The following EIF3K variants were observed in gnomAD, a reference collection of about 807,000 sequenced individuals.
The protein encoded by EIF3K is eIF-3 p28.
A neutral mutation model predicts 34.2 loss-of-function variants in EIF3K; 27 were observed. That is an observed-to-expected ratio of 0.79 (90% CI 0.58 to 1.09). The LOEUF is 1.09. Among genes scored for constraint, EIF3K ranks in the 50% least tolerant of loss-of-function variants. The pLI is 0.00. For missense variants in EIF3K, 232 were observed against 275.4 expected, an observed-to-expected ratio of 0.84 and a Z score of 1.11; for synonymous variants, 105 against 105.7, an observed-to-expected ratio of 0.99 and a Z score of 0.04.
At chr19:38,623,996 A>T in intron 2 of EIF3K, 81 bp from the exon 3 acceptor site, 1 of 1,599,016 alleles carries the variant, frequency 6.3e-7, no homozygotes, top group Middle Eastern at 1.8e-4. Flanking sequence ...AAACTCCAGA[A>T]TAAAGCAGCT....
intron 6 of EIF3K, 155 bp downstream of exon 6, chr19:38,632,833 T>A: frequency 1.6e-6 from 1 of 624,338 alleles, no homozygotes; most frequent in Non-Finnish European, 2.7e-6. Flanking sequence ...TATAAGACAG[T>A]CTCTGCCTTG....
Position 38,623,862 on chromosome 19 carries a change from A to G in EIF3K, c.159-215A>G, listed in dbSNP as rs117550664. ...TAAATCACTTAGCAGTGTCTGCCCC[A>G]TTGGGTAGTTGTGAGCATTAACTGT... On this transcript the variant is annotated intron_variant, in intron 2 of 7. Transcript: ENST00000248342. Among the ~76,000 whole-genome samples, 54 of 152,252 alleles carry G rather than the reference A, an allele frequency of 3.5e-4. 1 individual carries two copies. The East Asian group carries it at 9.4e-3, about 27-fold the overall frequency.
chr19:38,622,951 T>C (rs1307498788), intron 2 of EIF3K, among the ~76,000 whole-genome samples: 7 of 152,396 alleles, frequency 4.6e-5, no homozygotes, highest in Admixed American at 2.6e-4. Flanking sequence ...GCTGTTATCC[T>C]GTTCTTTTTC....
chr19:38,619,432 G>A, intron 1 of EIF3K, 105 bp downstream of exon 1: 1 of 1,312,344 alleles, frequency 7.6e-7, no homozygotes, highest in Non-Finnish European at 1.1e-6. Context: ...CGCGGGGTGG[G>A]GTTTCTCTAT....
intron 4 of EIF3K, 109 bp downstream of exon 4, chr19:38,626,211 C>A: frequency 9.9e-7 from 1 of 1,006,674 alleles, no homozygotes; most frequent in Non-Finnish European, 1.6e-6. Flanking sequence ...GGCGGTGGGC[C>A]CAGTGCTCTG....
intron 7 of EIF3K, chr19:38,635,574 G>A (rs1359839281): frequency 9.4e-6 from 2 of 213,062 alleles, no homozygotes; most frequent in East Asian, 1.0e-4. Flanking sequence ...GACTGCAACA[G>A]TAACTATGAT....
At chr19:38,630,347 A>ATTTATTT (rs1976036723) in intron 4 of EIF3K, among the ~76,000 whole-genome samples, 1 of 124,332 alleles carries the variant, frequency 8.0e-6, no homozygotes, top group Non-Finnish European at 1.7e-5. Flanking sequence ...TTATTTATTT[A>ATTTATTT]TTTTTTTTTT....
In EIF3K at chr19:38,626,037, C is replaced by A. The variant is rs1180849987; in HGVS notation, c.289C>A (p.Arg97=). The A allele has an allele frequency of 6.2e-7, 1 of 1,614,150 alleles. No individual in the cohort carries two copies. The highest frequency in any genetic ancestry group is 1.7e-5 in the Admixed American group (1 of 60,014). ...CMIDQAHQEE[R]PIRQILYLGD... ...TGCTTCCTCCTCCCAGCAAGAAGAACGGCCAATCCGACAGATTTTGTACCT... is the reference window on the plus strand; with the variant it reads ...TGCTTCCTCCTCCCAGCAAGAAGAAAGGCCAATCCGACAGATTTTGTACCT... Residue 97 remains arginine (R), a synonymous_variant, in exon 4 of 8, where the codon CGG becomes AGG. Coordinates refer to ENST00000248342, the MANE Select transcript of EIF3K (RefSeq NM_013234.4).
At chr19:38,636,370 A>T (rs1439972411) in intron 7 of EIF3K, among the ~76,000 whole-genome samples, 1 of 152,044 alleles carries the variant, frequency 6.6e-6, no homozygotes, top group Non-Finnish European at 1.5e-5. Flanking sequence ...TAGGTTCAAA[A>T]TACTCAGGAG....
intron 2 of EIF3K, among the ~76,000 whole-genome samples, chr19:38,620,787 G>A (rs531748215): frequency 2.0e-5 from 3 of 152,198 alleles, no homozygotes; most frequent in Admixed American, 6.5e-5. Flanking sequence ...CCAGCTACTC[G>A]GGAGGCTGAG....
chr19:38,636,933 A>T lies in EIF3K; in HGVS notation c.*13A>T. ...CTCCTCCCAGTAACTTCAGGTGTTTAATAAAGATGTGTTGACTCAGCCCTA... is the reference window on the plus strand; with the variant it reads ...CTCCTCCCAGTAACTTCAGGTGTTTTATAAAGATGTGTTGACTCAGCCCTA... On this transcript the variant is annotated 3_prime_UTR_variant, in exon 8 of 8. Coordinates refer to ENST00000248342, the MANE Select transcript of EIF3K (RefSeq NM_013234.4). 6.2e-7 allele frequency: 1 copy of T among 1,614,016 alleles called. No homozygotes were observed. Among genetic ancestry groups the T allele is most frequent in the Non-Finnish European group, 8.5e-7 (1 of 1,179,966 alleles).
In EIF3K at chr19:38,619,223, G is replaced by C; in HGVS notation, c.-46G>C. The C allele has an allele frequency of 6.2e-7, 1 of 1,604,144 alleles. No individual in the cohort carries two copies. Among genetic ancestry groups the C allele is most frequent in the Admixed American group, 1.7e-5 (1 of 59,724 alleles). ...TCCCGTCCTTGAGGACGCCGTGCCG[G>C]GTCAGTGTTAGCCTCCAGCCCTGGT... On this transcript the variant is annotated 5_prime_UTR_variant, in exon 1 of 8. Transcript: ENST00000248342.
intron 4 of EIF3K, among the ~76,000 whole-genome samples, chr19:38,631,168 G>A (rs1340124395): frequency 2.6e-5 from 4 of 152,190 alleles, no homozygotes; most frequent in African/African-American, 9.7e-5. Context: ...TCCACACCTG[G>A]GAGTGTTTCT....
rs766112546 is a variant in EIF3K at position 38,626,120 on chromosome 19, C to T, written c.354+18C>T. On this transcript the variant is annotated intron_variant, in intron 4 of 7. Transcript: ENST00000248342. ...CCTTCTGGGTAACTTCCCTGGGGTC[C>T]AGGGGCAGGGGAGATGGCAGGGCCA... 1 of 1,612,032 alleles carries T rather than the reference C, an allele frequency of 6.2e-7. No homozygotes were observed. The highest frequency in any genetic ancestry group is 1.1e-5 in the South Asian group (1 of 91,050).
intron 7 of EIF3K, among the ~76,000 whole-genome samples, chr19:38,636,596 A>G (rs561271880): frequency 1.2e-4 from 19 of 152,292 alleles, no homozygotes; most frequent in Non-Finnish European, 4.4e-5. Context: ...TGGTCCTACA[A>G]TCCTATAAGG....
At chr19:38,619,375 G>A (rs1975785267) in intron 1 of EIF3K, 48 bp downstream of exon 1, 1 of 1,607,692 alleles carries the variant, frequency 6.2e-7, no homozygotes. Flanking sequence ...GGGCGGAGGA[G>A]AGGGTTTTCC....
intron 4 of EIF3K, among the ~76,000 whole-genome samples, chr19:38,630,018 G>A (rs1599736405): frequency 6.6e-6 from 1 of 152,186 alleles, no homozygotes; most frequent in East Asian, 1.9e-4. Context: ...CCAGGTTCAA[G>A]CCTCACCTCC....
At chr19:38,624,605 G>A (rs1193732359) in intron 3 of EIF3K, among the ~76,000 whole-genome samples, 1 of 152,142 alleles carries the variant, frequency 6.6e-6, no homozygotes, top group African/African-American at 2.4e-5. Context: ...AGGCACAGTG[G>A]CACACACCTA....
At chr19:38,629,547 C>T (rs867683581) in intron 4 of EIF3K, among the ~76,000 whole-genome samples, 2 of 152,114 alleles carry the variant, frequency 1.3e-5, no homozygotes, top group Non-Finnish European at 2.9e-5. Context: ...CCTCCTGCCT[C>T]GCCTCCCAAA....
Sources: gnomAD v4.1 joint callset for allele counts (sites outside exome capture counted in the v4.1 genomes callset) on GRCh38, gnomAD v4.1.1 for gene constraint, MANE v1.5 for transcripts, NCBI Gene and HGNC (gene_info 2026-07-23, HGNC 2026-07-21) for gene names.